NUP210L: variants seen among roughly 807,000 people sequenced by gnomAD.
The protein encoded by NUP210L is nuclear pore membrane glycoprotein 210-like.
In NUP210L, 74 loss-of-function variants were observed where a neutral mutation model predicts 208.5. The ratio of observed to expected loss-of-function variants is 0.35; its 90% CI spans 0.29 to 0.43. NUP210L has a LOEUF of 0.43. NUP210L is among the 20% of genes least tolerant of loss of function. The pLI is 1.00. For missense variants in NUP210L, 1,843 were observed against 2,289.4 expected (o/e 0.81, Z 3.98); for synonymous variants, 780 against 816.9 (o/e 0.95, Z 0.77).
chr1:154,039,022 C>G (rs941369760), intron 27 of NUP210L, among the ~76,000 whole-genome samples: 7 of 152,062 alleles, frequency 4.6e-5, no homozygotes, highest in African/African-American at 1.7e-4. Flanking sequence ...TCTTTCTACT[C>G]AAGATACGAG....
intron 2 of NUP210L, among the ~76,000 whole-genome samples, chr1:154,150,170 T>C (rs1659312178): frequency 1.3e-5 from 2 of 150,898 alleles, no homozygotes; most frequent in African/African-American, 4.9e-5. Context: ...AGGTTGGGAG[T>C]TCGAGATGAG....
chr1:154,122,284 C>T (rs1342227581), intron 10 of NUP210L, among the ~76,000 whole-genome samples: 1 of 152,086 alleles, frequency 6.6e-6, no homozygotes, highest in Non-Finnish European at 1.5e-5. Flanking sequence ...AAAAACTTCC[C>T]ATACACTGAT....
At chr1:154,107,601 C>T (rs1656835065) in intron 12 of NUP210L, among the ~76,000 whole-genome samples, 1 of 151,440 alleles carries the variant, frequency 6.6e-6, no homozygotes. Flanking sequence ...TGCAGTGGCT[C>T]ACACCTGTAA....
At chr1:154,026,787 A>G (rs538342188) in intron 29 of NUP210L, among the ~76,000 whole-genome samples, 8 of 152,354 alleles carry the variant, frequency 5.3e-5, no homozygotes, top group Non-Finnish European at 7.3e-5. Context: ...GCTAACTTAA[A>G]GAAGCCAACA....
At chr1:154,080,909 A>G (rs988745472) in intron 16 of NUP210L, among the ~76,000 whole-genome samples, 2 of 150,342 alleles carry the variant, frequency 1.3e-5, no homozygotes, top group African/African-American at 4.9e-5. Flanking sequence ...GGGAGGTATA[A>G]GTTGCAGTGA....
At chr1:154,055,805 A>G (rs1198747842) in intron 23 of NUP210L, among the ~76,000 whole-genome samples, 1 of 152,248 alleles carries the variant, frequency 6.6e-6, no homozygotes, top group Admixed American at 6.5e-5. Context: ...TTTAAGTAGG[A>G]ATACTAAAAT....
At chr1:154,037,296 G>A (rs1181615346) in intron 27 of NUP210L, among the ~76,000 whole-genome samples, 6 of 152,158 alleles carry the variant, frequency 3.9e-5, no homozygotes, top group African/African-American at 7.2e-5. Flanking sequence ...GAAGTCTCCA[G>A]TTAATGTTGT....
At chr1:154,001,207 G>A (rs1650193827) in intron 36 of NUP210L, 147 bp from the exon 37 acceptor site, 4 of 740,882 alleles carry the variant, frequency 5.4e-6, no homozygotes, top group Non-Finnish European at 2.2e-6. Flanking sequence ...TTACTTTTTT[G>A]TTGTTGTTGA....
At chr1:154,046,416 G>A (rs1653184678) in intron 25 of NUP210L, 47 bp from the exon 26 acceptor site, 1 of 1,489,030 alleles carries the variant, frequency 6.7e-7, no homozygotes. Context: ...GGGAGTTTCT[G>A]TGGGGTGGAC....
At chr1:154,151,361 A>T (rs1659375720) in intron 2 of NUP210L, among the ~76,000 whole-genome samples, 1 of 151,756 alleles carries the variant, frequency 6.6e-6, no homozygotes. Flanking sequence ...ATGACATCTT[A>T]CAAGTCCTCT....
intron 12 of NUP210L, among the ~76,000 whole-genome samples, chr1:154,110,062 C>T (rs1656966701): frequency 6.7e-6 from 1 of 150,364 alleles, no homozygotes. Flanking sequence ...GATGAAACCC[C>T]ATCTCTAATA....
intron 16 of NUP210L, among the ~76,000 whole-genome samples, chr1:154,073,742 G>A (rs961687431): frequency 1.8e-4 from 28 of 151,688 alleles, no homozygotes; most frequent in Admixed American, 5.3e-4. Flanking sequence ...TTGAACCTGG[G>A]AGGTGGGGGT....
intron 1 of NUP210L, among the ~76,000 whole-genome samples, chr1:154,153,994 G>A (rs1200032492): frequency 6.6e-6 from 1 of 152,120 alleles, no homozygotes; most frequent in East Asian, 1.9e-4. Context: ...GCTCACTTCG[G>A]TTAGGTTCTC....
At chr1:154,049,358 T>C (rs1557939888) in intron 25 of NUP210L, among the ~76,000 whole-genome samples, 1 of 152,112 alleles carries the variant, frequency 6.6e-6, no homozygotes, top group Non-Finnish European at 1.5e-5. Context: ...ATATGATGCA[T>C]GAAATAGGGT....
At chr1:154,077,514 A>G (rs766507894) in intron 16 of NUP210L, among the ~76,000 whole-genome samples, 32 of 152,192 alleles carry the variant, frequency 2.1e-4, no homozygotes, top group Non-Finnish European at 3.7e-4. Context: ...TTGCTAGCAG[A>G]CCTGTCTTAC....
chr1:154,032,950 G>GAAAAGAA (rs1652317436), intron 27 of NUP210L, among the ~76,000 whole-genome samples: 77 of 124,468 alleles, frequency 6.2e-4, no homozygotes, highest in African/African-American at 1.8e-3. Context: ...AAGAAAGAAA[G>GAAAAGAA]AAGAAAAGAA....
In NUP210L at chr1:154,136,777, G is replaced by A. The variant is rs142044322; in HGVS notation, c.851-805C>T. On this transcript the variant is annotated intron_variant, in intron 6 of 39. Coordinates refer to ENST00000368559, the Ensembl canonical transcript of NUP210L. Reference sequence around the variant, plus strand: ...CTACTAAAAATGCAAAAAATTAGCTGGGCGTAGTGGCGGGCTCCTGTAATC... The same window carrying A: ...CTACTAAAAATGCAAAAAATTAGCTAGGCGTAGTGGCGGGCTCCTGTAATC... Among the ~76,000 whole-genome samples the A allele has an allele frequency of 7.1e-3, 1,076 of 151,568 alleles. 7 individuals are homozygous for A. The highest frequency in any genetic ancestry group is 0.025 in the African/African-American group (1,030 of 41,312).
chr1:154,059,206 T>C (rs1654018256), intron 20 of NUP210L, among the ~76,000 whole-genome samples: 1 of 151,902 alleles, frequency 6.6e-6, no homozygotes, highest in East Asian at 1.9e-4. Flanking sequence ...GGCACGGTGG[T>C]CCGTGCCTGT....
chr1:154,151,364 A>C (rs1659376001), intron 2 of NUP210L, among the ~76,000 whole-genome samples: 1 of 151,780 alleles, frequency 6.6e-6, no homozygotes. Flanking sequence ...ACATCTTACA[A>C]GTCCTCTCAG....
Sources: allele counts gnomAD v4.1 joint callset (sites outside exome capture counted in the v4.1 genomes callset), GRCh38; gene constraint gnomAD v4.1.1; transcripts MANE v1.5; gene names NCBI Gene and HGNC (gene_info 2026-07-23, HGNC 2026-07-21).